TSPAN11: variants seen among roughly 807,000 people sequenced by gnomAD.
TSPAN11 encodes the protein tetraspanin-11.
TSPAN11 carries 29 observed loss-of-function variants against 32.9 expected under a neutral mutation model. That is an observed-to-expected ratio of 0.88 (90% confidence interval 0.66 to 1.20). The LOEUF (loss-of-function observed/expected upper bound fraction) is 1.20, where lower values mean the gene tolerates loss of function less well. Among genes scored for constraint, TSPAN11 ranks in the 50% most tolerant of loss-of-function variants. The probability of loss-of-function intolerance (pLI) is 0.00; values close to 1 mark genes in which losing one functional copy is unlikely to be tolerated. For missense variants in TSPAN11, 283 were observed against 329.1 expected, an observed-to-expected ratio of 0.86 and a Z score of 1.08; for synonymous variants, 140 against 141.3, an observed-to-expected ratio of 0.99 and a Z score of 0.07.
intron 5 of TSPAN11, among the ~76,000 whole-genome samples, chr12:30,982,182 C>T (rs1312780866): frequency 6.6e-6 from 1 of 152,164 alleles, no homozygotes; most frequent in Non-Finnish European, 1.5e-5. Flanking sequence ...GTTTTGTCCA[C>T]CCTGGGCTCT....
chr12:30,953,875 G>A (rs540332148), intron 1 of TSPAN11, 106 bp from the exon 2 acceptor site: 2 of 749,730 alleles, frequency 2.7e-6, no homozygotes, highest in South Asian at 3.5e-5. Flanking sequence ...CCGGCAGATA[G>A]GTTAATGAGC....
chr12:30,978,423 C>T, intron 3 of TSPAN11, 138 bp from the exon 4 acceptor site: 1 of 811,322 alleles, frequency 1.2e-6, no homozygotes, highest in Non-Finnish European at 2.0e-6. Flanking sequence ...GCCAGTGAGG[C>T]TGGTACATCC....
chr12:30,982,054 C>T (rs1040548475), intron 5 of TSPAN11, among the ~76,000 whole-genome samples: 1 of 152,146 alleles, frequency 6.6e-6, no homozygotes, highest in East Asian at 1.9e-4. Flanking sequence ...GTGCCATGGG[C>T]GGGTCTGGGG....
At chr12:30,969,342 G>T (rs1938801734) in intron 3 of TSPAN11, among the ~76,000 whole-genome samples, 1 of 152,192 alleles carries the variant, frequency 6.6e-6, no homozygotes. Flanking sequence ...GGTGGGCCTT[G>T]CCTCATCTGT....
intron 1 of TSPAN11, among the ~76,000 whole-genome samples, chr12:30,950,090 C>T (rs1202443539): frequency 6.6e-6 from 1 of 152,136 alleles, no homozygotes; most frequent in Non-Finnish European, 1.5e-5. Flanking sequence ...GTCCCCTACT[C>T]TCCATTCCCC....
intron 1 of TSPAN11, among the ~76,000 whole-genome samples, chr12:30,953,627 G>A (rs1344284827): frequency 1.3e-5 from 2 of 152,248 alleles, no homozygotes; most frequent in African/African-American, 4.8e-5. Context: ...CTGAGTGTGT[G>A]TGTGCGTGTA....
At chr12:30,942,217 A>G (rs1445530328) in intron 1 of TSPAN11, among the ~76,000 whole-genome samples, 2 of 152,200 alleles carry the variant, frequency 1.3e-5, no homozygotes, top group African/African-American at 4.8e-5. Flanking sequence ...CTTGTCTGGC[A>G]CTGACGCCAT....
chr12:30,947,816 C>T (rs749702537), intron 1 of TSPAN11, among the ~76,000 whole-genome samples: 1 of 152,140 alleles, frequency 6.6e-6, no homozygotes, highest in Non-Finnish European at 1.5e-5. Flanking sequence ...ACCAATCATG[C>T]CTTCCCATCC....
At chr12:30,937,589 G>T (rs1938073007) in intron 1 of TSPAN11, among the ~76,000 whole-genome samples, 1 of 152,184 alleles carries the variant, frequency 6.6e-6, no homozygotes, top group Non-Finnish European at 1.5e-5. Context: ...TCATGTAACA[G>T]TTCAGGCTAG....
chr12:30,973,175 G>A (rs1239167961), intron 3 of TSPAN11, among the ~76,000 whole-genome samples: 2 of 152,158 alleles, frequency 1.3e-5, no homozygotes, highest in African/African-American at 2.4e-5. Context: ...TCTGTTCCTC[G>A]CTCACCACGT....
At chr12:30,931,496 G>A (rs1287655493) in intron 1 of TSPAN11, among the ~76,000 whole-genome samples, 5 of 69,806 alleles carry the variant, frequency 7.2e-5, no homozygotes, top group East Asian at 2.3e-3. Context: ...CTTGAAATGC[G>A]GTAGAGATTT....
At chr12:31,013,254 T>G in the TSPAN11 span, among the ~76,000 whole-genome samples, 1 of 152,128 alleles carries the variant, frequency 6.6e-6, no homozygotes, top group Non-Finnish European at 1.5e-5. Flanking sequence ...AAAAGCCTCT[T>G]AGCAGAATGT....
At chr12:31,002,025 T>A in the TSPAN11 span, among the ~76,000 whole-genome samples, 1 of 152,050 alleles carries the variant, frequency 6.6e-6, no homozygotes, top group African/African-American at 2.4e-5. The surrounding 1 kb of genome is among the most constrained non-coding windows in gnomAD (Gnocchi z 4.8). Context: ...AAAATTCCCA[T>A]GACTTGGCTG....
intron 1 of TSPAN11, among the ~76,000 whole-genome samples, chr12:30,951,176 G>A (rs565740585): frequency 5.3e-5 from 8 of 152,288 alleles, no homozygotes; most frequent in East Asian, 1.9e-4. Flanking sequence ...CTTTTCAAAT[G>A]TGTGTGAAAC....
chr12:30,984,707 C>T (rs1010741080), intron 7 of TSPAN11, among the ~76,000 whole-genome samples: 2 of 151,908 alleles, frequency 1.3e-5, no homozygotes, highest in Non-Finnish European at 2.9e-5. Flanking sequence ...TACAGGTGCC[C>T]ACCACCACGC....
At chr12:30,980,621 G>A (rs536774173) in intron 5 of TSPAN11, among the ~76,000 whole-genome samples, 1 of 151,666 alleles carries the variant, frequency 6.6e-6, no homozygotes, top group Non-Finnish European at 1.5e-5. Context: ...TAGTAGATGT[G>A]GGGAGCTGTG....
At chr12:30,934,603 A>C (rs1045531506) in intron 1 of TSPAN11, among the ~76,000 whole-genome samples, 1 of 151,376 alleles carries the variant, frequency 6.6e-6, no homozygotes, top group Non-Finnish European at 1.5e-5. Flanking sequence ...GCGGCCCAAC[A>C]CAAATTCGGA....
chr12:30,927,584 G>A (rs996130048), intron 1 of TSPAN11, among the ~76,000 whole-genome samples: 3 of 151,952 alleles, frequency 2.0e-5, no homozygotes, highest in Non-Finnish European at 4.4e-5. Context: ...TGAGGTGAGC[G>A]TGGGGGTGGG....
At chr12:30,955,365 T>A (rs534023995) in intron 2 of TSPAN11, 1 of 152,334 alleles carries the variant, frequency 6.6e-6, no homozygotes, top group South Asian at 2.1e-4. Flanking sequence ...GTAGAGATGG[T>A]TTCCATTCTG....
Sources: gnomAD v4.1 joint callset for allele counts (sites outside exome capture counted in the v4.1 genomes callset) on GRCh38, gnomAD v4.1.1 for gene constraint, Gnocchi (gnomAD v3.1) non-coding constraint, MANE v1.5 for transcripts, NCBI Gene and HGNC (gene_info 2026-07-23, HGNC 2026-07-21) for gene names.